Variants in CNTNAP5 observed in about 807,000 individuals in gnomAD.
The protein encoded by CNTNAP5 is contactin-associated protein-like 5.
In CNTNAP5, 72 loss-of-function variants were observed where a neutral mutation model predicts 150.2. That is an observed-to-expected ratio of 0.48 (90% confidence interval 0.40 to 0.58). The LOEUF is 0.58. CNTNAP5 is among the 20% of genes least tolerant of loss of function. The pLI is 0.00. For missense variants in CNTNAP5, 1,636 were observed against 1,626.2 expected, an observed-to-expected ratio of 1.01 and a Z score of -0.10; for synonymous variants, 672 against 619.8, an observed-to-expected ratio of 1.08 and a Z score of -1.25.
In CNTNAP5 at chr2:124,747,350, G is replaced by A; in HGVS notation, c.2199G>A (p.Gln733=). The A allele has an allele frequency of 6.2e-7, 1 of 1,613,800 alleles. No individual in the cohort carries two copies. Among genetic ancestry groups the A allele is most frequent in the Non-Finnish European group, 8.5e-7 (1 of 1,179,756 alleles). ...CGLDESCLDI[Q]HFCNCDADKD... is the part of the protein sequence containing the mutation. ...TAGACGAGAGCTGCCTGGACATTCA[G>A]CACTTTTGCAATTGCGACGCTGACA... is the stretch of plus-strand genomic sequence containing the variant. Residue 733 remains glutamine (Q), a synonymous_variant, in exon 14 of 24, where the codon CAG becomes CAA. Coordinates refer to ENST00000682447, the MANE Select transcript of CNTNAP5 (RefSeq NM_001367498.1).
At chr2:124,490,530 T>G (rs547817820) in intron 7 of CNTNAP5, among the ~76,000 whole-genome samples, 1 of 152,238 alleles carries the variant, frequency 6.6e-6, no homozygotes, top group East Asian at 1.9e-4. Flanking sequence ...AAGATCAGTA[T>G]ATAAGAGTTC....
Position 124,424,059 on chromosome 2 carries a change from A to T in CNTNAP5, c.529+6469A>T, listed in dbSNP as rs185658494. Among the ~76,000 whole-genome samples the T allele has an allele frequency of 1.5e-3, 223 of 152,322 alleles. 2 individuals are homozygous for T. Among genetic ancestry groups the T allele is most frequent in the Non-Finnish European group, 2.5e-3 (171 of 68,020 alleles). ...TTATGAATTACAAACATCATTTTGT[A>T]CTTCAGGTCGCCTCTGTTCCACACA... On this transcript the variant is annotated intron_variant, in intron 4 of 23. Coordinates refer to ENST00000682447, the MANE Select transcript of CNTNAP5 (RefSeq NM_001367498.1).
intron 6 of CNTNAP5, among the ~76,000 whole-genome samples, chr2:124,449,108 A>T (rs1389042477): frequency 6.6e-6 from 1 of 152,178 alleles, no homozygotes. Flanking sequence ...AGCTCTTTTG[A>T]TCTTAACCTT....
At chr2:124,901,969 C>T (rs1678421909) in intron 21 of CNTNAP5, among the ~76,000 whole-genome samples, 14 of 152,012 alleles carry the variant, frequency 9.2e-5, no homozygotes, top group Admixed American at 9.2e-4. Context: ...ATAATCTATG[C>T]CAGTAGATGA....
rs543422620 is a variant in CNTNAP5 at position 124,589,270 on chromosome 2, C to T, written c.1757-20531C>T. On this transcript the variant is annotated intron_variant, in intron 11 of 23. Transcript: ENST00000682447. ...AGGCTTGTCTAATTTGGACATTTAA[C>T]ATAAATGGAATCATACAATATATGC... 8.5e-5 allele frequency among the ~76,000 whole-genome samples: 13 copies of T among 152,254 alleles called. No individual in the cohort carries two copies. The South Asian group carries it at 2.7e-3, about 32-fold the overall frequency.
chr2:124,768,204 T>A (rs2104605659), intron 16 of CNTNAP5, among the ~76,000 whole-genome samples: 1 of 152,204 alleles, frequency 6.6e-6, no homozygotes, highest in Non-Finnish European at 1.5e-5. Flanking sequence ...AATTTATTTT[T>A]AAAAATACCT....
At chr2:124,350,424 T>C (rs566332207) in intron 3 of CNTNAP5, among the ~76,000 whole-genome samples, 26 of 151,636 alleles carry the variant, frequency 1.7e-4, no homozygotes, top group Non-Finnish European at 3.1e-4. Context: ...TTTAAAGTAA[T>C]TTGTGTAAAT....
chr2:124,789,260 T>A (rs76682599), intron 17 of CNTNAP5, among the ~76,000 whole-genome samples: 1,758 of 152,308 alleles, frequency 0.012, 32 homozygotes, highest in African/African-American at 0.04. Flanking sequence ...GAACTTTTTT[T>A]TTCACAAGAA....
At chr2:124,248,516 T>C (rs1687085772) in intron 3 of CNTNAP5, among the ~76,000 whole-genome samples, 1 of 152,210 alleles carries the variant, frequency 6.6e-6, no homozygotes, top group African/African-American at 2.4e-5. Context: ...AGGGAAAAAC[T>C]GGCCAATCAG....
intron 3 of CNTNAP5, among the ~76,000 whole-genome samples, chr2:124,327,920 G>A (rs1689260850): frequency 6.6e-6 from 1 of 152,134 alleles, no homozygotes; most frequent in Admixed American, 6.6e-5. Flanking sequence ...CAAATTGGTT[G>A]AGAACTGTCT....
chr2:124,128,354 A>C (rs2104597238), intron 1 of CNTNAP5, among the ~76,000 whole-genome samples: 1 of 152,314 alleles, frequency 6.6e-6, no homozygotes, highest in Middle Eastern at 3.4e-3. Context: ...AATCAAAACC[A>C]CAATGAGATA....
intron 3 of CNTNAP5, among the ~76,000 whole-genome samples, chr2:124,389,074 A>T (rs535027535): frequency 6.6e-6 from 1 of 152,314 alleles, no homozygotes; most frequent in East Asian, 1.9e-4. Context: ...TAAAAATCTT[A>T]TTTCAATGGA....
intron 19 of CNTNAP5, among the ~76,000 whole-genome samples, chr2:124,848,934 A>G (rs1683102761): frequency 1.3e-5 from 2 of 152,080 alleles, no homozygotes; most frequent in African/African-American, 4.8e-5. Flanking sequence ...CCCATTCTCT[A>G]GGTCACGTTT....
chr2:124,078,269 A>G (rs543712842), intron 1 of CNTNAP5, among the ~76,000 whole-genome samples: 5 of 152,316 alleles, frequency 3.3e-5, no homozygotes, highest in East Asian at 3.9e-4. Flanking sequence ...TTATTTAACA[A>G]TATGTTCTGA....
At chr2:124,647,730 C>T (rs1678233660) in intron 12 of CNTNAP5, 28 bp from the exon 13 acceptor site, 2 of 1,554,544 alleles carry the variant, frequency 1.3e-6, no homozygotes, top group South Asian at 1.2e-5. Context: ...TCTAACGTCT[C>T]TTGCTTTGTG....
At chr2:124,374,289 C>G (rs966317452) in intron 3 of CNTNAP5, among the ~76,000 whole-genome samples, 21 of 151,982 alleles carry the variant, frequency 1.4e-4, no homozygotes, top group African/African-American at 4.8e-4. Flanking sequence ...GATAGAAAGT[C>G]AAAGTTCTGT....
chr2:124,885,802 T>G (rs188960922), intron 21 of CNTNAP5, among the ~76,000 whole-genome samples: 70 of 152,206 alleles, frequency 4.6e-4, no homozygotes, highest in Middle Eastern at 3.4e-3. Flanking sequence ...ACTACATTCC[T>G]TTGTATGGTT....
intron 21 of CNTNAP5, among the ~76,000 whole-genome samples, chr2:124,883,070 C>CTTTTT (rs61340026): frequency 7.0e-6 from 1 of 142,092 alleles, no homozygotes; most frequent in South Asian, 2.2e-4. Context: ...CATCCATTCT[C>CTTTTT]TTTTTTTTTT....
intron 1 of CNTNAP5, among the ~76,000 whole-genome samples, chr2:124,167,141 A>T (rs757628745): frequency 6.6e-6 from 1 of 152,186 alleles, no homozygotes; most frequent in African/African-American, 2.4e-5. Context: ...CAAAAGACTA[A>T]TAATCCATAC....
Sources: allele counts gnomAD v4.1 joint callset (sites outside exome capture counted in the v4.1 genomes callset), GRCh38; gene constraint gnomAD v4.1.1; transcripts MANE v1.5; gene names NCBI Gene and HGNC (gene_info 2026-07-23, HGNC 2026-07-21).